The following ST6GALNAC3 variants were observed in gnomAD, a reference collection of about 807,000 sequenced individuals.
ST6GALNAC3 encodes ST6 N-acetylgalactosaminide alpha-2,6-sialyltransferase 3.
ST6GALNAC3 carries 25 observed loss-of-function variants against 32.7 expected under a neutral mutation model. The ratio of observed to expected loss-of-function variants is 0.76; its 90% confidence interval spans 0.56 to 1.07. ST6GALNAC3 has a LOEUF of 1.07. Among genes scored for constraint, ST6GALNAC3 ranks in the 50% least tolerant of loss-of-function variants. The pLI is 0.00. For synonymous variants in ST6GALNAC3, 129 were observed against 133.1 expected (o/e 0.97, Z 0.21); for missense variants, 355 against 382.4 (o/e 0.93, Z 0.60).
chr1:76,300,988 A>G (rs1005662598), intron 1 of ST6GALNAC3, among the ~76,000 whole-genome samples: 1 of 151,976 alleles, frequency 6.6e-6, no homozygotes, highest in African/African-American at 2.4e-5. Flanking sequence ...AGGCAACCTG[A>G]TATGTGGATA....
intron 1 of ST6GALNAC3, among the ~76,000 whole-genome samples, chr1:76,208,166 C>T (rs1654938651): frequency 6.6e-6 from 1 of 152,198 alleles, no homozygotes; most frequent in African/African-American, 2.4e-5. Context: ...AGACCTATGG[C>T]CTGGGCCTGC....
chr1:76,264,666 C>T (rs1377657851), intron 1 of ST6GALNAC3, among the ~76,000 whole-genome samples: 2 of 152,102 alleles, frequency 1.3e-5, no homozygotes, highest in African/African-American at 4.8e-5. Flanking sequence ...AAACCTAAAC[C>T]TGGGTTTGTT....
intron 3 of ST6GALNAC3, among the ~76,000 whole-genome samples, chr1:76,608,833 A>C (rs1647737884): frequency 6.6e-6 from 1 of 152,108 alleles, no homozygotes; most frequent in Non-Finnish European, 1.5e-5. Context: ...AATTGCACTC[A>C]AATATATTAA....
chr1:76,170,664 G>A (rs1323681643), intron 1 of ST6GALNAC3, among the ~76,000 whole-genome samples: 3 of 152,106 alleles, frequency 2.0e-5, no homozygotes, highest in Admixed American at 6.5e-5. Flanking sequence ...TATCAGACAC[G>A]CTAGTTTAAT....
chr1:76,281,694 TTG>T (rs1557750826), intron 1 of ST6GALNAC3, among the ~76,000 whole-genome samples: 1 of 152,202 alleles, frequency 6.6e-6, no homozygotes, highest in Non-Finnish European at 1.5e-5. Flanking sequence ...ATTCAGCATC[TTG>T]TTCTCATTTT....
chr1:76,287,104 G>A (rs1293968975), intron 1 of ST6GALNAC3, among the ~76,000 whole-genome samples: 1 of 152,214 alleles, frequency 6.6e-6, no homozygotes, highest in Non-Finnish European at 1.5e-5. Context: ...AACTAGCTCA[G>A]CCTTCCCTTC....
intron 3 of ST6GALNAC3, among the ~76,000 whole-genome samples, chr1:76,496,195 A>C (rs1337073983): frequency 9.2e-5 from 14 of 152,146 alleles, no homozygotes; most frequent in Admixed American, 9.2e-4. Context: ...GACACTATTC[A>C]AAACTGTAAG....
intron 2 of ST6GALNAC3, among the ~76,000 whole-genome samples, chr1:76,370,613 AGATTTTTCTTCCT>A (rs531139320): frequency 5.9e-5 from 9 of 152,162 alleles, no homozygotes; most frequent in African/African-American, 9.7e-5. Flanking sequence ...CTGAAGAATC[AGATTTTTCTTCCT>A]GATTTTTCTA....
At chr1:76,395,244 C>G (rs902778238) in intron 2 of ST6GALNAC3, among the ~76,000 whole-genome samples, 3 of 152,148 alleles carry the variant, frequency 2.0e-5, no homozygotes, top group Admixed American at 6.5e-5. Context: ...GCCATGTAAT[C>G]AAACTGAACT....
chr1:76,229,830 A>G (rs981702159), intron 1 of ST6GALNAC3, among the ~76,000 whole-genome samples: 3 of 152,214 alleles, frequency 2.0e-5, no homozygotes, highest in Non-Finnish European at 4.4e-5. Flanking sequence ...ATGTCAACGC[A>G]TGCATTAGGT....
At chr1:76,340,018 A>G (rs1647827247) in intron 2 of ST6GALNAC3, among the ~76,000 whole-genome samples, 2 of 152,352 alleles carry the variant, frequency 1.3e-5, no homozygotes, top group Non-Finnish European at 2.9e-5. Flanking sequence ...TAGGAGCTTG[A>G]TTCTGAGATT....
chr1:76,435,005 G>A (rs1276678873), intron 3 of ST6GALNAC3, among the ~76,000 whole-genome samples: 1 of 151,924 alleles, frequency 6.6e-6, no homozygotes, highest in Non-Finnish European at 1.5e-5. Flanking sequence ...TGGCCAGGCT[G>A]ATCTCAAACT....
At chr1:76,328,077 T>C (rs1389883810) in intron 2 of ST6GALNAC3, among the ~76,000 whole-genome samples, 1 of 152,192 alleles carries the variant, frequency 6.6e-6, no homozygotes, top group East Asian at 1.9e-4. Context: ...GGATAGGTAA[T>C]ACAACTCACC....
Position 76,525,797 on chromosome 1 carries a change from A to ATATATATATATACG in ST6GALNAC3, c.624-101643_624-101642insCGTATATATATATA, listed in dbSNP as rs1662859767. Among the ~76,000 whole-genome samples, 3 of 55,144 alleles carry ATATATATATATACG rather than the reference A, an allele frequency of 5.4e-5. 1 individual carries two copies. The highest frequency in any genetic ancestry group is 1.0e-3 in the South Asian group (2 of 1,996). 36.2% of individuals were successfully genotyped at this position (55,144 alleles called of 152,430 possible). On this transcript the variant is annotated intron_variant, in intron 3 of 4. Transcript: ENST00000328299. ...TGTGTGTGTGTGTGTGTGTGTATATATATATATATATATATATATATATAT... is the reference window on the plus strand; with the variant it reads ...TGTGTGTGTGTGTGTGTGTGTATATATATATATATATACGTATATATATATATATATATATATAT...
intron 1 of ST6GALNAC3, among the ~76,000 whole-genome samples, chr1:76,156,940 C>A (rs1651480588): frequency 6.6e-6 from 1 of 152,186 alleles, no homozygotes; most frequent in South Asian, 2.1e-4. Flanking sequence ...ACCGTGTTAG[C>A]CAGGATGGTC....
chr1:76,364,055 C>T (rs1557824952), intron 2 of ST6GALNAC3, among the ~76,000 whole-genome samples: 1 of 152,072 alleles, frequency 6.6e-6, no homozygotes, highest in South Asian at 2.1e-4. Context: ...TTGTTATTCT[C>T]TGATAAAAAC....
At chr1:76,440,296 G>T (rs534682639) in intron 3 of ST6GALNAC3, among the ~76,000 whole-genome samples, 1 of 152,230 alleles carries the variant, frequency 6.6e-6, no homozygotes, top group South Asian at 2.1e-4. Context: ...ATATGTGTCA[G>T]ATCAAGAATT....
intron 1 of ST6GALNAC3, among the ~76,000 whole-genome samples, chr1:76,230,468 C>T (rs898629954): frequency 7.9e-5 from 12 of 152,046 alleles, no homozygotes; most frequent in African/African-American, 2.7e-4. Context: ...ATTTTATTAG[C>T]TGAGTTTTTA....
chr1:76,284,520 A>G (rs1184638144), intron 1 of ST6GALNAC3, among the ~76,000 whole-genome samples: 1 of 152,154 alleles, frequency 6.6e-6, no homozygotes, highest in Admixed American at 6.5e-5. Flanking sequence ...AATTTTATAT[A>G]CTGGCTTCCT....
Sources: gnomAD v4.1 joint callset for allele counts (sites outside exome capture counted in the v4.1 genomes callset) on GRCh38, gnomAD v4.1.1 for gene constraint, MANE v1.5 for transcripts, NCBI Gene and HGNC (gene_info 2026-07-23, HGNC 2026-07-21) for gene names.